The following C10orf90 variants were observed in gnomAD, a reference collection of about 807,000 sequenced individuals.
The protein encoded by C10orf90 is chromosome 10 open reading frame 90.
Under a neutral mutation model 62.5 loss-of-function variants are expected in C10orf90, and 56 were observed. The observed-to-expected ratio is 0.90, with a 90% CI of 0.72 to 1.12. C10orf90 has a LOEUF of 1.12. Among genes scored for constraint, C10orf90 ranks in the 50% most tolerant of loss-of-function variants. The pLI is 0.00. For synonymous variants in C10orf90, 386 were observed against 340.4 expected (o/e 1.13, Z -1.47); for missense variants, 970 against 880.4 (o/e 1.10, Z -1.29).
At chr10:126,446,739 A>G (rs905555186) in intron 7 of C10orf90, among the ~76,000 whole-genome samples, 4 of 152,224 alleles carry the variant, frequency 2.6e-5, no homozygotes, top group Non-Finnish European at 2.9e-5. Flanking sequence ...AGAATACTCT[A>G]ATAGTGTAAT....
intron 2 of C10orf90, among the ~76,000 whole-genome samples, chr10:126,550,418 C>A (rs1864607062): frequency 6.6e-6 from 1 of 152,106 alleles, no homozygotes; most frequent in African/African-American, 2.4e-5. Flanking sequence ...TTGAGTATAC[C>A]AATGGCAGTA....
chr10:126,630,715 A>G (rs1265729373), intron 2 of C10orf90, among the ~76,000 whole-genome samples: 1 of 152,172 alleles, frequency 6.6e-6, no homozygotes, highest in African/African-American at 2.4e-5. Context: ...TAACCTCTCC[A>G]GGTGTCAGTT....
intron 7 of C10orf90, among the ~76,000 whole-genome samples, chr10:126,439,068 A>C (rs1858126376): frequency 6.6e-6 from 1 of 152,158 alleles, no homozygotes; most frequent in Admixed American, 6.5e-5. Context: ...AGTTCAAGAG[A>C]AACCCCCTTG....
chr10:126,467,759 GA>G (rs1323729790), intron 4 of C10orf90, among the ~76,000 whole-genome samples: 2 of 152,086 alleles, frequency 1.3e-5, no homozygotes, highest in Non-Finnish European at 2.9e-5. Context: ...AGCAGGAAGT[GA>G]AAAAAACCAA....
chr10:126,635,213 G>A (rs1037863555), intron 2 of C10orf90, among the ~76,000 whole-genome samples: 4 of 152,218 alleles, frequency 2.6e-5, no homozygotes, highest in East Asian at 1.9e-4. Context: ...ACTAGAAGCT[G>A]AGGGTCATTA....
chr10:126,518,119 C>T (rs2133931988), intron 2 of C10orf90, among the ~76,000 whole-genome samples: 1 of 152,104 alleles, frequency 6.6e-6, no homozygotes, highest in East Asian at 1.9e-4. Flanking sequence ...GCCTCAGGCT[C>T]TGCCTTTTGG....
At position 126,577,926 on chromosome 10, in the gene C10orf90, T is replaced by G. The variant is rs537302221; in HGVS notation, c.314-63987A>C. Reference sequence around the variant, plus strand: ...AAAAAGGGATTGTGTGGAATAGATATCCATATGAGAGAAAAATGTATCTGG... The same window carrying G: ...AAAAAGGGATTGTGTGGAATAGATAGCCATATGAGAGAAAAATGTATCTGG... On this transcript the variant is annotated intron_variant, in intron 2 of 9. Coordinates refer to ENST00000488181, the MANE Select transcript of C10orf90 (RefSeq NM_001350921.2). Among the ~76,000 whole-genome samples the G allele has an allele frequency of 2.0e-4, 31 of 152,210 alleles. 1 individual carries two copies. Among genetic ancestry groups the G allele is most frequent in the African/African-American group, 7.2e-4 (30 of 41,546 alleles).
At chr10:126,505,363 A>G (rs1862673933) in intron 3 of C10orf90, among the ~76,000 whole-genome samples, 1 of 152,232 alleles carries the variant, frequency 6.6e-6, no homozygotes, top group Non-Finnish European at 1.5e-5. Flanking sequence ...TGATGTGTCA[A>G]CGGGGATCAT....
Position 126,427,650 on chromosome 10 carries a change from C to T in C10orf90, c.2253-1560G>A, listed in dbSNP as rs1036592957. ...TTTCCATGCTAGATGCTCCTCCTCCCGCCCCTCCTGCCGTTGGACATCAGA... is the reference window on the plus strand; with the variant it reads ...TTTCCATGCTAGATGCTCCTCCTCCTGCCCCTCCTGCCGTTGGACATCAGA... On this transcript the variant is annotated intron_variant, in intron 8 of 9. Coordinates refer to ENST00000488181, the MANE Select transcript of C10orf90 (RefSeq NM_001350921.2). 7.9e-5 allele frequency among the ~76,000 whole-genome samples: 12 copies of T among 152,288 alleles called. No homozygotes were observed. The East Asian group carries it at 1.7e-3, about 22-fold the overall frequency.
Position 126,477,102 on chromosome 10 carries a change from T to C in C10orf90, c.1535-12116A>G, listed in dbSNP as rs1406125169. ...TTTTTTTTTTTTTTTTTTTTTTTTT[T>C]TTTTTTTTTTTTTTTTGGATTTTTG... On this transcript the variant is annotated intron_variant, in intron 4 of 9. Coordinates refer to ENST00000488181, the MANE Select transcript of C10orf90 (RefSeq NM_001350921.2). Among the ~76,000 whole-genome samples the C allele has an allele frequency of 1.8e-4, 21 of 114,766 alleles. 1 individual carries two copies. The highest frequency in any genetic ancestry group is 6.6e-4 in the African/African-American group (20 of 30,282). 75.3% of individuals were successfully genotyped at this position (114,766 alleles called of 152,430 possible).
At chr10:126,512,309 C>CTG (rs142351215) in intron 3 of C10orf90, among the ~76,000 whole-genome samples, 35 of 128,308 alleles carry the variant, frequency 2.7e-4, no homozygotes, top group Non-Finnish European at 4.1e-4. Flanking sequence ...GTGTGTGTGT[C>CTG]TGTGTGTGTG....
chr10:126,534,024 G>C (rs1030923701), intron 2 of C10orf90, among the ~76,000 whole-genome samples: 4 of 152,292 alleles, frequency 2.6e-5, no homozygotes, highest in African/African-American at 7.2e-5. Context: ...TGTACACATA[G>C]AGAAGAGGGA....
chr10:126,545,245 T>C (rs1405613867), intron 2 of C10orf90, among the ~76,000 whole-genome samples: 1 of 152,118 alleles, frequency 6.6e-6, no homozygotes, highest in African/African-American at 2.4e-5. Context: ...GGAGGTGAAA[T>C]TGAGTGTAGT....
chr10:126,622,032 G>A lies in C10orf90; in HGVS notation c.313+24533C>T, dbSNP rs575258381. Among the ~76,000 whole-genome samples, 18 of 151,826 alleles carry A rather than the reference G, an allele frequency of 1.2e-4. No homozygotes were observed. In the East Asian group the frequency reaches 1.7e-3, roughly 15 times the overall value. On this transcript the variant is annotated intron_variant, in intron 2 of 9. Transcript: ENST00000488181. ...AGCATCGTCCTGGCCTATCCCTCCC[G>A]TGGGTTGGTTGGGTCCTCCTCCCAT...
At chr10:126,617,287 C>T (rs568585150) in intron 2 of C10orf90, among the ~76,000 whole-genome samples, 35 of 152,274 alleles carry the variant, frequency 2.3e-4, no homozygotes, top group Admixed American at 1.0e-3. Flanking sequence ...AAGAGCAGAG[C>T]TTGATCTCCA....
At chr10:126,550,393 C>T (rs183415763) in intron 2 of C10orf90, among the ~76,000 whole-genome samples, 26 of 152,088 alleles carry the variant, frequency 1.7e-4, no homozygotes, top group African/African-American at 4.3e-4. Context: ...CTTGTAATCA[C>T]GGAAATGCTC....
intron 2 of C10orf90, among the ~76,000 whole-genome samples, chr10:126,568,080 A>C (rs1210889767): frequency 6.6e-6 from 1 of 152,126 alleles, no homozygotes; most frequent in Non-Finnish European, 1.5e-5. Context: ...GGCCACCTAA[A>C]AGGTGGGCAA....
intron 2 of C10orf90, among the ~76,000 whole-genome samples, chr10:126,617,891 C>T (rs753663365): frequency 4.6e-5 from 7 of 152,210 alleles, no homozygotes; most frequent in Non-Finnish European, 1.0e-4. Context: ...GAGAGATCAT[C>T]AGTCACAAGA....
chr10:126,492,852 A>C (rs891881255), intron 4 of C10orf90, among the ~76,000 whole-genome samples: 19 of 152,320 alleles, frequency 1.2e-4, no homozygotes, highest in Middle Eastern at 3.4e-3. Flanking sequence ...CTAGATTAAA[A>C]AGTCTTAAAT....
Sources: gnomAD v4.1 joint callset for allele counts (sites outside exome capture counted in the v4.1 genomes callset) on GRCh38, gnomAD v4.1.1 for gene constraint, MANE v1.5 for transcripts, NCBI Gene and HGNC (gene_info 2026-07-23, HGNC 2026-07-21) for gene names.